The following RNGTT variants were observed in gnomAD, a reference collection of about 807,000 sequenced individuals.
RNGTT encodes the protein mRNA-capping enzyme.
In RNGTT, 33 loss-of-function variants were observed where a neutral mutation model predicts 79.3. The observed-to-expected ratio is 0.42, with a 90% confidence interval of 0.32 to 0.56. The LOEUF (loss-of-function observed/expected upper bound fraction) is 0.56, where lower values mean the gene tolerates loss of function less well. Ranked by LOEUF, RNGTT falls within the 20% of genes least tolerant of loss-of-function variation. The probability of loss-of-function intolerance (pLI) is 0.17; values close to 1 mark genes in which losing one functional copy is unlikely to be tolerated. For missense variants in RNGTT, 497 were observed against 739.1 expected (o/e 0.67, Z 3.80); for synonymous variants, 222 against 235.9 (o/e 0.94, Z 0.54).
At chr6:88,639,330 T>TC (rs1773221794) in intron 14 of RNGTT, among the ~76,000 whole-genome samples, 1 of 152,174 alleles carries the variant, frequency 6.6e-6, no homozygotes, top group African/African-American at 2.4e-5. Context: ...TTAAGACTAC[T>TC]CATCAGCATA....
At chr6:88,852,166 T>C (rs1207637137) in intron 9 of RNGTT, among the ~76,000 whole-genome samples, 1 of 152,116 alleles carries the variant, frequency 6.6e-6, no homozygotes, top group Non-Finnish European at 1.5e-5. Flanking sequence ...CAAAGGTCTC[T>C]TCCATCATTA....
chr6:88,953,815 T>C (rs1031441815), intron 1 of RNGTT, among the ~76,000 whole-genome samples: 7 of 152,206 alleles, frequency 4.6e-5, no homozygotes, highest in African/African-American at 1.4e-4. Context: ...TGGGGTCCCA[T>C]CTTTAGTTTC....
chr6:88,891,105 A>G (rs1783035223), intron 7 of RNGTT, among the ~76,000 whole-genome samples: 2 of 151,980 alleles, frequency 1.3e-5, no homozygotes, highest in South Asian at 4.1e-4. Context: ...GTAGGTCAAG[A>G]TTAAGGTTTA....
intron 13 of RNGTT, among the ~76,000 whole-genome samples, chr6:88,724,738 G>A (rs902741734): frequency 1.3e-5 from 2 of 152,062 alleles, no homozygotes; most frequent in South Asian, 2.1e-4. Flanking sequence ...TCAATTCCTC[G>A]TCTTCTACTT....
At chr6:88,754,606 A>G (rs1777945503) in intron 13 of RNGTT, among the ~76,000 whole-genome samples, 1 of 152,180 alleles carries the variant, frequency 6.6e-6, no homozygotes, top group African/African-American at 2.4e-5. Flanking sequence ...ACTGGCCCCT[A>G]AACTGGCCAT....
At chr6:88,864,447 A>T (rs1282470599) in intron 8 of RNGTT, among the ~76,000 whole-genome samples, 1 of 152,140 alleles carries the variant, frequency 6.6e-6, no homozygotes, top group Non-Finnish European at 1.5e-5. Context: ...AGGGGTGAAG[A>T]TATCTGTAGG....
chr6:88,901,057 G>A (rs551624092), intron 6 of RNGTT, among the ~76,000 whole-genome samples: 2 of 151,546 alleles, frequency 1.3e-5, no homozygotes, highest in African/African-American at 4.8e-5. Flanking sequence ...CAGGAGAATC[G>A]CTTGAACCCG....
intron 1 of RNGTT, among the ~76,000 whole-genome samples, chr6:88,942,561 A>AG (rs944380129): frequency 9.9e-5 from 15 of 151,640 alleles, no homozygotes; most frequent in Non-Finnish European, 7.4e-5. Context: ...TGTAGGGATG[A>AG]GGTTTTGCCA....
chr6:88,664,021 G>A (rs1774286376), intron 14 of RNGTT, among the ~76,000 whole-genome samples: 1 of 152,156 alleles, frequency 6.6e-6, no homozygotes, highest in African/African-American at 2.4e-5. Flanking sequence ...GATGAGGGAG[G>A]AGAGTGCTCG....
chr6:88,841,757 T>C (rs1172995326), intron 11 of RNGTT, among the ~76,000 whole-genome samples: 1 of 152,234 alleles, frequency 6.6e-6, no homozygotes, highest in Non-Finnish European at 1.5e-5. Flanking sequence ...TCCCAAAGTT[T>C]CTGAATCTGT....
chr6:88,919,991 CAGT>C (rs1485919571), intron 4 of RNGTT, among the ~76,000 whole-genome samples: 1 of 152,104 alleles, frequency 6.6e-6, no homozygotes, highest in African/African-American at 2.4e-5. Flanking sequence ...ACCGAGGATT[CAGT>C]AGTTCTCAAC....
chr6:88,917,871 A>G (rs1343009237), intron 4 of RNGTT, among the ~76,000 whole-genome samples: 2 of 152,194 alleles, frequency 1.3e-5, no homozygotes, highest in Admixed American at 1.3e-4. Flanking sequence ...TGGGCGACAG[A>G]GCGAGACACC....
chr6:88,750,366 G>A (rs1038232395), intron 13 of RNGTT, among the ~76,000 whole-genome samples: 5 of 152,074 alleles, frequency 3.3e-5, no homozygotes, highest in Non-Finnish European at 2.9e-5. Context: ...ATGCAAGTTT[G>A]AATAACGATC....
chr6:88,893,565 A>G (rs187316192), intron 6 of RNGTT, among the ~76,000 whole-genome samples: 2 of 152,180 alleles, frequency 1.3e-5, no homozygotes, highest in African/African-American at 4.8e-5. Context: ...GAAATATTTT[A>G]ATAACATTTC....
chr6:88,949,173 AAAAAAG>A (rs1224898649), intron 1 of RNGTT, among the ~76,000 whole-genome samples: 1,560 of 143,826 alleles, frequency 0.011, 25 homozygotes, highest in African/African-American at 0.038. Context: ...AAAAAAAAAA[AAAAAAG>A]AAAATGAAAA....
intron 13 of RNGTT, among the ~76,000 whole-genome samples, chr6:88,741,077 C>T (rs910841885): frequency 6.6e-6 from 1 of 151,960 alleles, no homozygotes; most frequent in East Asian, 1.9e-4. Flanking sequence ...ATCATTTGAC[C>T]CAGCAATCCC....
At chr6:88,869,304 A>G (rs1237729356) in intron 8 of RNGTT, among the ~76,000 whole-genome samples, 1 of 152,198 alleles carries the variant, frequency 6.6e-6, no homozygotes, top group African/African-American at 2.4e-5. Flanking sequence ...TCAAGTCATA[A>G]GAAGCTTCCT....
chr6:88,918,490 A>C (rs1297969811), intron 4 of RNGTT, among the ~76,000 whole-genome samples: 1 of 152,074 alleles, frequency 6.6e-6, no homozygotes, highest in Non-Finnish European at 1.5e-5. Context: ...GCGGGAGGGG[A>C]TTATTTAACA....
At chr6:88,697,447 A>G (rs1386877782) in intron 13 of RNGTT, among the ~76,000 whole-genome samples, 2 of 152,078 alleles carry the variant, frequency 1.3e-5, no homozygotes, top group East Asian at 3.9e-4. Context: ...GCTGCTCAGG[A>G]GGCTGAGGCA....
Sources: gnomAD v4.1 joint callset for allele counts (sites outside exome capture counted in the v4.1 genomes callset) on GRCh38, gnomAD v4.1.1 for gene constraint, MANE v1.5 for transcripts, NCBI Gene and HGNC (gene_info 2026-07-23, HGNC 2026-07-21) for gene names.